The following PRKCB variants were observed in gnomAD, a reference collection of about 807,000 sequenced individuals.
PRKCB encodes the protein protein kinase C beta type.
PRKCB carries 13 observed loss-of-function variants against 81.5 expected under a neutral mutation model. That is an observed-to-expected ratio of 0.16 (90% confidence interval 0.10 to 0.25). PRKCB has a LOEUF of 0.25. Ranked by LOEUF, PRKCB falls within the 10% of genes least tolerant of loss-of-function variation. PRKCB has a pLI of 1.00. For synonymous variants in PRKCB, 335 were observed against 321.4 expected (o/e 1.04, Z -0.45); for missense variants, 509 against 875.7 (o/e 0.58, Z 5.29).
chr16:23,940,854 C>A (rs1227959581), intron 2 of PRKCB, among the ~76,000 whole-genome samples: 1 of 152,096 alleles, frequency 6.6e-6, no homozygotes, highest in African/African-American at 2.4e-5. Context: ...TGATTATTTA[C>A]TCTCTCAGTC....
chr16:24,188,605 A>T (rs756168769), intron 15 of PRKCB, among the ~76,000 whole-genome samples: 1 of 152,124 alleles, frequency 6.6e-6, no homozygotes, highest in African/African-American at 2.4e-5. Context: ...AAAAAAAATT[A>T]GTAAAACCTT....
rs577982627 is a variant in PRKCB at position 23,956,538 on chromosome 16, G to A, written c.206-31970G>A. ...ACAGTGAACACTCTTGGGCACTGTA[G>A]TGGGGATTTCCATAGAACAATTCTT... On this transcript the variant is annotated intron_variant, in intron 2 of 16. Transcript: ENST00000643927. 1.5e-4 allele frequency among the ~76,000 whole-genome samples: 23 copies of A among 152,328 alleles called. No homozygotes were observed. The South Asian group carries it at 4.6e-3, about 30-fold the overall frequency.
At chr16:24,107,798 G>A (rs924697396) in intron 7 of PRKCB, among the ~76,000 whole-genome samples, 6 of 147,460 alleles carry the variant, frequency 4.1e-5, no homozygotes, top group Admixed American at 2.0e-4. Flanking sequence ...GGTCTCAGCC[G>A]GGGTCATTAT....
At chr16:23,870,034 A>AAT (rs397711680) in intron 2 of PRKCB, among the ~76,000 whole-genome samples, 1 of 151,220 alleles carries the variant, frequency 6.6e-6, no homozygotes, top group Non-Finnish European at 1.5e-5. Context: ...AAAAAAAAAA[A>AAT]GGGTAATTTA....
At chr16:23,905,253 C>T (rs1963541557) in intron 2 of PRKCB, among the ~76,000 whole-genome samples, 1 of 152,080 alleles carries the variant, frequency 6.6e-6, no homozygotes, top group Admixed American at 6.5e-5. Context: ...TGTGGAATTT[C>T]TTCTCTCTTC....
chr16:23,849,404 C>A (rs1299920100), intron 2 of PRKCB, among the ~76,000 whole-genome samples: 2 of 152,112 alleles, frequency 1.3e-5, no homozygotes, highest in African/African-American at 4.8e-5. Context: ...TGGGATGGCC[C>A]TATATTGAAG....
intron 2 of PRKCB, among the ~76,000 whole-genome samples, chr16:23,912,064 T>C (rs1319836248): frequency 2.0e-5 from 3 of 151,850 alleles, no homozygotes; most frequent in African/African-American, 7.3e-5. Context: ...ACTCCTGACC[T>C]CAGGTGATCC....
chr16:24,130,112 G>A (rs1966851241), intron 9 of PRKCB, among the ~76,000 whole-genome samples: 1 of 152,102 alleles, frequency 6.6e-6, no homozygotes, highest in Non-Finnish European at 1.5e-5. Flanking sequence ...CATTCAGCAT[G>A]TATACCATTT....
intron 3 of PRKCB, among the ~76,000 whole-genome samples, chr16:24,020,793 G>A (rs1965347046): frequency 6.6e-6 from 1 of 152,174 alleles, no homozygotes; most frequent in Admixed American, 6.5e-5. Flanking sequence ...GTCCAGGGAT[G>A]ACACAGTCTG....
At chr16:23,924,497 T>G (rs1963870887) in intron 2 of PRKCB, among the ~76,000 whole-genome samples, 1 of 152,096 alleles carries the variant, frequency 6.6e-6, no homozygotes. Context: ...ACCACACAAC[T>G]GAACTTCTCT....
At chr16:24,009,607 AAGAC>A (rs1422072851) in intron 3 of PRKCB, among the ~76,000 whole-genome samples, 1 of 151,856 alleles carries the variant, frequency 6.6e-6, no homozygotes, top group African/African-American at 2.4e-5. Flanking sequence ...TTTTTTAAAA[AAGAC>A]AAGTGTTAGC....
intron 16 of PRKCB, among the ~76,000 whole-genome samples, chr16:24,193,444 CAAAT>C (rs56289209): frequency 0.055 from 6,732 of 121,630 alleles, 219 homozygotes; most frequent in East Asian, 0.11. Flanking sequence ...GACTCCATCT[CAAAT>C]AAATAAATAA....
intron 2 of PRKCB, among the ~76,000 whole-genome samples, chr16:23,890,003 AG>A (rs1367541896): frequency 6.6e-6 from 1 of 152,216 alleles, no homozygotes; most frequent in Non-Finnish European, 1.5e-5. Context: ...CATGAGAAAA[AG>A]GACTTATTCA....
At chr16:24,048,088 C>T (rs943302790) in intron 5 of PRKCB, among the ~76,000 whole-genome samples, 3 of 152,244 alleles carry the variant, frequency 2.0e-5, no homozygotes, top group Non-Finnish European at 4.4e-5. Flanking sequence ...TCCTGAGCAG[C>T]CTCGCTGTCT....
intron 5 of PRKCB, among the ~76,000 whole-genome samples, chr16:24,073,881 G>A (rs1267860225): frequency 2.6e-5 from 4 of 151,988 alleles, no homozygotes; most frequent in African/African-American, 7.2e-5. Flanking sequence ...GGTGGCTCAC[G>A]CCTGTAATCC....
chr16:23,925,679 A>G (rs1002570262), intron 2 of PRKCB, among the ~76,000 whole-genome samples: 5 of 152,066 alleles, frequency 3.3e-5, no homozygotes, highest in Admixed American at 2.6e-4. Flanking sequence ...ATTTTGTTAC[A>G]TGGATATGTT....
chr16:24,189,858 A>G (rs1967763369), intron 15 of PRKCB, among the ~76,000 whole-genome samples: 2 of 152,178 alleles, frequency 1.3e-5, no homozygotes, highest in African/African-American at 2.4e-5. Flanking sequence ...TCCTGGGCAG[A>G]AGATTCTGCC....
intron 2 of PRKCB, among the ~76,000 whole-genome samples, chr16:23,901,012 G>C (rs1034018768): frequency 6.6e-6 from 1 of 152,076 alleles, no homozygotes; most frequent in Admixed American, 6.6e-5. Context: ...CTTCTTGACC[G>C]CCCCCTCTCC....
At chr16:23,881,196 A>G (rs117014188) in intron 2 of PRKCB, among the ~76,000 whole-genome samples, 2,690 of 151,768 alleles carry the variant, frequency 0.018, 28 homozygotes, top group Non-Finnish European at 0.025. Context: ...ATGAAAGACA[A>G]AGAATGGGCA....
Sources: allele counts gnomAD v4.1 joint callset (sites outside exome capture counted in the v4.1 genomes callset), GRCh38; gene constraint gnomAD v4.1.1; transcripts MANE v1.5; gene names NCBI Gene and HGNC (gene_info 2026-07-23, HGNC 2026-07-21).